CHIC1: variants seen among roughly 807,000 people sequenced by gnomAD.
The protein encoded by CHIC1 is cysteine rich hydrophobic domain 1, also known as cysteine-rich hydrophobic domain-containing protein 1.
In CHIC1, 7 loss-of-function variants were observed where a neutral mutation model predicts 18.5. The observed-to-expected ratio is 0.38, with a 90% CI of 0.22 to 0.71. CHIC1 has a LOEUF of 0.71. CHIC1 is among the 30% of genes least tolerant of loss of function. The pLI is 0.49. For missense variants in CHIC1, 159 were observed against 176.9 expected (o/e 0.90, Z 0.57); for synonymous variants, 77 against 73.5 (o/e 1.05, Z -0.25).
intron 3 of CHIC1, among the ~76,000 whole-genome samples, chrX:73,666,649 A>G (rs1195145514): frequency 8.9e-6 from 1 of 111,996 alleles, no homozygotes; most frequent in Non-Finnish European, 1.9e-5. Context: ...GACACTCAGT[A>G]ATAACCCTCA....
chrX:73,647,659 C>T (rs1569504198), intron 3 of CHIC1, among the ~76,000 whole-genome samples: 1 of 112,239 alleles, frequency 8.9e-6, no homozygotes, highest in African/African-American at 3.2e-5. Flanking sequence ...GGTGGGGCCT[C>T]CCTGCAGGAA....
chrX:73,631,959 C>A (rs559639842), intron 3 of CHIC1, among the ~76,000 whole-genome samples: 1 of 111,989 alleles, frequency 8.9e-6, no homozygotes, highest in African/African-American at 3.2e-5. Context: ...AATGTATGCT[C>A]TGTTCTGGAG....
intron 3 of CHIC1, among the ~76,000 whole-genome samples, chrX:73,590,703 T>G (rs750929303): frequency 1.2e-4 from 13 of 111,747 alleles, no homozygotes; most frequent in Non-Finnish European, 1.3e-4. Context: ...TCATATAAGT[T>G]GAAATTATAT....
rs1569506377 is a variant in CHIC1 at position 73,683,649 on chromosome X, G to C, written c.*2644G>C. 8.9e-6 allele frequency: 1 copy of C among 111,784 alleles called. No individual in the cohort carries two copies. The highest frequency in any genetic ancestry group is 1.9e-5 in the Non-Finnish European group (1 of 52,865). The allele number at this position is 111,784 out of a possible 1,213,427, so 9.2% of individuals were successfully genotyped here. Reference sequence around the variant, plus strand: ...TACATAATATTCCTTTATGAAACTTGTGATAGTTTCCAGAGCAAAACATGT... The same window carrying C: ...TACATAATATTCCTTTATGAAACTTCTGATAGTTTCCAGAGCAAAACATGT... On this transcript the variant is annotated 3_prime_UTR_variant, in exon 6 of 6. Transcript: ENST00000373502.
At chrX:73,666,577 T>C (rs2147621847) in intron 3 of CHIC1, among the ~76,000 whole-genome samples, 1 of 112,313 alleles carries the variant, frequency 8.9e-6, no homozygotes, top group Non-Finnish European at 1.9e-5. Context: ...TAACCTCTTT[T>C]GGCAACACCA....
chrX:73,631,349 G>A (rs2057805863), intron 3 of CHIC1, among the ~76,000 whole-genome samples: 1 of 110,804 alleles, frequency 9.0e-6, no homozygotes, highest in Admixed American at 9.7e-5. Context: ...TGTTTAGGCT[G>A]GGCGTAGTGG....
intron 3 of CHIC1, among the ~76,000 whole-genome samples, chrX:73,617,770 C>T (rs1012130690): frequency 8.0e-5 from 9 of 111,877 alleles, no homozygotes; most frequent in African/African-American, 2.6e-4. Flanking sequence ...ATACCTCCCA[C>T]AACACATGGG....
intron 3 of CHIC1, among the ~76,000 whole-genome samples, chrX:73,626,994 GTC>G (rs769316544): frequency 9.1e-6 from 1 of 110,468 alleles, no homozygotes; most frequent in African/African-American, 3.3e-5. Flanking sequence ...TCTAAACTGT[GTC>G]TGCATATGGG....
chrX:73,603,647 T>A (rs1386090381), intron 3 of CHIC1, among the ~76,000 whole-genome samples: 1 of 108,692 alleles, frequency 9.2e-6, no homozygotes, highest in East Asian at 2.8e-4. Flanking sequence ...TTGTCATAAA[T>A]AGCTCTTATT....
intron 3 of CHIC1, among the ~76,000 whole-genome samples, chrX:73,588,944 T>C (rs2057567150): frequency 9.0e-6 from 1 of 110,554 alleles, no homozygotes; most frequent in Admixed American, 9.6e-5. Context: ...TTCTTTTTTT[T>C]CTTAATCCTT....
In CHIC1 at chrX:73,653,257, C is replaced by T. The variant is rs192745569; in HGVS notation, c.508-26069C>T. On this transcript the variant is annotated intron_variant, in intron 3 of 5. Coordinates refer to ENST00000373502, the MANE Select transcript of CHIC1 (RefSeq NM_001039840.4). ...GGATGAGGGGAGGGAACCTAGAGGA[C>T]GGGTCAATAGATGCCGCAAACCACC... 3.6e-4 allele frequency among the ~76,000 whole-genome samples: 40 copies of T among 109,960 alleles called. No homozygotes were observed. The East Asian group carries it at 7.5e-3, about 21-fold the overall frequency.
intron 3 of CHIC1, among the ~76,000 whole-genome samples, chrX:73,628,544 G>T (rs1213192090): frequency 9.0e-6 from 1 of 111,432 alleles, no homozygotes; most frequent in Non-Finnish European, 1.9e-5. Context: ...GCTGAGTTTG[G>T]TCCAGTTTTT....
rs187295371 is a variant in CHIC1 at position 73,627,485 on chromosome X, T to C, written c.507+42913T>C. The stretch of plus-strand genomic sequence containing the variant: ...AACCTTAGAAGCCTACCTGGTGTTC[T>C]ATGGTATTGTGGCTAAGTTGGCACT... On this transcript the variant is annotated intron_variant, in intron 3 of 5. Transcript: ENST00000373502. Among the ~76,000 whole-genome samples the C allele has an allele frequency of 8.0e-5, 9 of 112,739 alleles. No homozygotes were observed. The East Asian group carries it at 2.5e-3, about 32-fold the overall frequency.
chrX:73,672,265 A>G (rs770746732), intron 3 of CHIC1, among the ~76,000 whole-genome samples: 1 of 111,750 alleles, frequency 8.9e-6, no homozygotes, highest in Admixed American at 9.5e-5. Context: ...ATGATTTATA[A>G]TCCTTTGGGT....
intron 3 of CHIC1, among the ~76,000 whole-genome samples, chrX:73,633,833 T>C (rs1603346000): frequency 9.0e-6 from 1 of 111,503 alleles, no homozygotes; most frequent in Non-Finnish European, 1.9e-5. Context: ...GTGGTCTTTA[T>C]TGAATTTTTC....
chrX:73,612,531 A>G (rs1326737704), intron 3 of CHIC1, among the ~76,000 whole-genome samples: 2 of 111,513 alleles, frequency 1.8e-5, no homozygotes, highest in Non-Finnish European at 3.8e-5. Context: ...GTTTCAAGCA[A>G]TGTTTTTATT....
chrX:73,682,307 T>C lies in CHIC1; in HGVS notation c.*1302T>C, dbSNP rs1374884210. Reference sequence around the variant, plus strand: ...TATTTTTCTTCACAATTAAAATGATTGCTAGCACCACACAACTAGAATTTG... The same window carrying C: ...TATTTTTCTTCACAATTAAAATGATCGCTAGCACCACACAACTAGAATTTG... On this transcript the variant is annotated 3_prime_UTR_variant, in exon 6 of 6. Coordinates refer to ENST00000373502, the MANE Select transcript of CHIC1 (RefSeq NM_001039840.4). 1 of 112,084 alleles carries C rather than the reference T, an allele frequency of 8.9e-6. No homozygotes were observed. Among genetic ancestry groups the C allele is most frequent in the Non-Finnish European group, 1.9e-5 (1 of 52,944 alleles). The allele number at this position is 112,084 out of a possible 1,213,427, so 9.2% of individuals were successfully genotyped here. A position where few individuals can be genotyped will look rare whatever the true frequency, so the allele number is the denominator to read the frequency against.
chrX:73,583,211 C>T (rs868549064), intron 2 of CHIC1, among the ~76,000 whole-genome samples: 1 of 111,043 alleles, frequency 9.0e-6, no homozygotes, highest in African/African-American at 3.3e-5. Context: ...GTGACATGAA[C>T]AATTCTAATA....
intron 3 of CHIC1, among the ~76,000 whole-genome samples, chrX:73,590,569 C>G (rs1267411654): frequency 9.0e-6 from 1 of 111,492 alleles, no homozygotes; most frequent in Non-Finnish European, 1.9e-5. Flanking sequence ...ATCATAGTAT[C>G]GTACAGAATA....
Sources: gnomAD v4.1 joint callset for allele counts (sites outside exome capture counted in the v4.1 genomes callset) on GRCh38, gnomAD v4.1.1 for gene constraint, MANE v1.5 for transcripts, NCBI Gene and HGNC (gene_info 2026-07-23, HGNC 2026-07-21) for gene names.